Variants in TRIM9 observed in about 807,000 individuals in gnomAD.
TRIM9 encodes the protein tripartite motif containing 9.
TRIM9 carries 26 observed loss-of-function variants against 78.3 expected under a neutral mutation model. That is an observed-to-expected ratio of 0.33 (90% confidence interval 0.24 to 0.46). TRIM9 has a LOEUF of 0.46. TRIM9 is among the 20% of genes least tolerant of loss of function. The probability of loss-of-function intolerance (pLI) is 1.00; values close to 1 mark genes in which losing one functional copy is unlikely to be tolerated. For missense variants in TRIM9, 787 were observed against 1,036.4 expected (o/e 0.76, Z 3.30); for synonymous variants, 398 against 416.5 (o/e 0.96, Z 0.54).
chr14:51,033,315 A>C (rs1406332428), intron 1 of TRIM9, among the ~76,000 whole-genome samples: 1 of 150,798 alleles, frequency 6.6e-6, no homozygotes, highest in Non-Finnish European at 1.5e-5. Context: ...CTGGTCTTGA[A>C]CTCCTGACCT....
Position 51,022,960 on chromosome 14 carries a change from G to A in TRIM9, c.919-3C>T, listed in dbSNP as rs1211994833. 6.2e-7 allele frequency: 1 copy of A among 1,613,830 alleles called. No individual in the cohort carries two copies. Among genetic ancestry groups the A allele is most frequent in the Non-Finnish European group, 8.5e-7 (1 of 1,179,986 alleles). On this transcript the variant is annotated splice_region_variant and splice_polypyrimidine_tract_variant and intron_variant, in intron 2 of 12. Coordinates refer to ENST00000684578, the MANE Select transcript of TRIM9 (RefSeq NM_001387360.1). ...GCTTCAAACTCCACACTGTTCTCCT[G>A]TGTAACAGAGCACATTTCTCAACTG...
chr14:50,981,612 T>C (rs1377678057), intron 11 of TRIM9, among the ~76,000 whole-genome samples, 188 bp downstream of exon 11: 3 of 152,212 alleles, frequency 2.0e-5, no homozygotes, highest in Non-Finnish European at 4.4e-5. Context: ...CTCAAGTCTC[T>C]ATCATTATAT....
At chr14:50,990,582 G>A (rs1412636491) in intron 7 of TRIM9, among the ~76,000 whole-genome samples, 1 of 152,170 alleles carries the variant, frequency 6.6e-6, no homozygotes, top group Non-Finnish European at 1.5e-5. Context: ...AGCCTTTGGG[G>A]TGTTATTTTT....
intron 3 of TRIM9, among the ~76,000 whole-genome samples, chr14:51,019,473 A>T (rs780662373): frequency 2.0e-5 from 3 of 152,096 alleles, no homozygotes; most frequent in Non-Finnish European, 2.9e-5. Context: ...GCTTTTTTTT[A>T]GCTCATCAAA....
chr14:51,010,129 CGAAAAAAAAAA>C (rs1338808837), intron 4 of TRIM9, among the ~76,000 whole-genome samples: 1 of 45,164 alleles, frequency 2.2e-5, no homozygotes, highest in Non-Finnish European at 4.6e-5. Flanking sequence ...GAAAAAGAAG[CGAAAAAAAAAA>C]GAAAAAGAAA....
intron 3 of TRIM9, among the ~76,000 whole-genome samples, chr14:51,014,473 A>G (rs938088325): frequency 3.3e-5 from 5 of 152,198 alleles, no homozygotes; most frequent in African/African-American, 1.2e-4. Context: ...ACCATTCACA[A>G]TGATCACAAT....
At position 50,976,066 on chromosome 14, in the gene TRIM9, C is replaced by T. The variant is rs1364342692; in HGVS notation, c.*1225G>A. 2 of 152,572 alleles carry T rather than the reference C, an allele frequency of 1.3e-5. No homozygotes were observed. Among genetic ancestry groups the T allele is most frequent in the Non-Finnish European group, 1.5e-5 (1 of 68,034 alleles). 9.5% of individuals were successfully genotyped at this position (152,572 alleles called of 1,614,324 possible). A position where few individuals can be genotyped will look rare whatever the true frequency, so the allele number is the denominator to read the frequency against. ...AGAATGTGAATGCTGTGGACTGCAA[C>T]TCAAGATCTCCCATTACTGAGAATG... On this transcript the variant is annotated 3_prime_UTR_variant, in exon 13 of 13. Coordinates refer to ENST00000684578, the MANE Select transcript of TRIM9 (RefSeq NM_001387360.1).
intron 1 of TRIM9, among the ~76,000 whole-genome samples, chr14:51,036,817 C>A (rs1301826100): frequency 1.3e-5 from 2 of 152,178 alleles, no homozygotes; most frequent in Non-Finnish European, 2.9e-5. Flanking sequence ...TTGTTTTTAA[C>A]TTAATCTGAC....
intron 1 of TRIM9, among the ~76,000 whole-genome samples, chr14:51,048,971 G>C (rs569061537): frequency 1.4e-5 from 2 of 147,062 alleles, no homozygotes; most frequent in Non-Finnish European, 3.0e-5. Flanking sequence ...GTGACAGCAT[G>C]AGACTCCATC....
At chr14:51,037,151 C>A (rs1268961646) in intron 1 of TRIM9, among the ~76,000 whole-genome samples, 1 of 152,152 alleles carries the variant, frequency 6.6e-6, no homozygotes, top group Non-Finnish European at 1.5e-5. Context: ...AAATGCTTTA[C>A]TTACTAGTTA....
intron 3 of TRIM9, among the ~76,000 whole-genome samples, chr14:51,016,841 C>T (rs533828784): frequency 3.9e-5 from 6 of 152,178 alleles, no homozygotes; most frequent in South Asian, 2.1e-4. Flanking sequence ...CTTTTGTTTC[C>T]GAATATTTTC....
At chr14:51,001,993 GTACT>G (rs1233947700) in intron 5 of TRIM9, among the ~76,000 whole-genome samples, 4 of 152,152 alleles carry the variant, frequency 2.6e-5, no homozygotes, top group African/African-American at 9.7e-5. Flanking sequence ...CTCTTTTCTA[GTACT>G]TAAACTGCAA....
intron 1 of TRIM9, among the ~76,000 whole-genome samples, chr14:51,043,481 A>T (rs2059718512): frequency 2.0e-5 from 3 of 152,236 alleles, no homozygotes; most frequent in Admixed American, 2.0e-4. Context: ...GGCCCCATAA[A>T]CACACTTAAG....
At chr14:50,996,992 G>A (rs1196168224) in intron 7 of TRIM9, 22 of 985,194 alleles carry the variant, frequency 2.2e-5, no homozygotes, top group Admixed American at 6.2e-5. Context: ...GAGGTTTGTG[G>A]GAAGTGGGAA....
chr14:50,992,584 T>C (rs1277759822), intron 7 of TRIM9, among the ~76,000 whole-genome samples: 2 of 53,726 alleles, frequency 3.7e-5, no homozygotes, highest in African/African-American at 7.8e-5. Flanking sequence ...GAAAGATAAA[T>C]GAATGAATGA....
At position 50,977,107 on chromosome 14, in the gene TRIM9, C is replaced by T. The variant is rs376795391; in HGVS notation, c.*184G>A. ...ATGGAAGCGGAAGCAGGCATGACAG[C>T]GGAGGAGAGGTTGAAAGGGAAAAGG... is the stretch of plus-strand genomic sequence containing the variant. On this transcript the variant is annotated 3_prime_UTR_variant, in exon 13 of 13. Transcript: ENST00000684578. 10 of 394,128 alleles carry T rather than the reference C, an allele frequency of 2.5e-5. No individual in the cohort carries two copies. Among genetic ancestry groups the T allele is most frequent in the South Asian group, 1.3e-4 (1 of 7,840 alleles). 24.4% of individuals were successfully genotyped at this position (394,128 alleles called of 1,614,324 possible).
intron 1 of TRIM9, among the ~76,000 whole-genome samples, chr14:51,087,361 C>T (rs902844199): frequency 6.6e-6 from 1 of 152,140 alleles, no homozygotes; most frequent in East Asian, 1.9e-4. Flanking sequence ...CAGGGCCAAA[C>T]AAAAGTGAAA....
intron 1 of TRIM9, among the ~76,000 whole-genome samples, chr14:51,064,379 C>T (rs968347675): frequency 1.3e-5 from 2 of 151,690 alleles, no homozygotes; most frequent in Admixed American, 6.6e-5. Context: ...CCAACCTTAG[C>T]AAAAATTATA....
chr14:51,002,648 G>C (rs1387303270), intron 5 of TRIM9, among the ~76,000 whole-genome samples: 1 of 152,120 alleles, frequency 6.6e-6, no homozygotes, highest in Non-Finnish European at 1.5e-5. Flanking sequence ...TCTATGCCTT[G>C]TCAGTCATCC....
Sources: allele counts gnomAD v4.1 joint callset (sites outside exome capture counted in the v4.1 genomes callset), GRCh38; gene constraint gnomAD v4.1.1; transcripts MANE v1.5; gene names NCBI Gene and HGNC (gene_info 2026-07-23, HGNC 2026-07-21).